CPT1A: variants seen among roughly 807,000 people sequenced by gnomAD.
CPT1A encodes carnitine O-palmitoyltransferase 1, liver isoform.
In CPT1A, 64 loss-of-function variants were observed where a neutral mutation model predicts 100.8. The observed-to-expected ratio is 0.63, with a 90% CI of 0.52 to 0.78. The LOEUF is 0.78. CPT1A is among the 30% of genes least tolerant of loss of function. The probability of loss-of-function intolerance (pLI) is 0.00; values close to 1 mark genes in which losing one functional copy is unlikely to be tolerated. For synonymous variants in CPT1A, 363 were observed against 396.0 expected, an observed-to-expected ratio of 0.92 and a Z score of 0.99; for missense variants, 802 against 1,034.1, an observed-to-expected ratio of 0.78 and a Z score of 3.08.
chr11:68,835,298 C>T (rs1341623893), intron 1 of CPT1A, among the ~76,000 whole-genome samples: 3 of 152,176 alleles, frequency 2.0e-5, no homozygotes, highest in Non-Finnish European at 4.4e-5. Flanking sequence ...AGACCTGCAC[C>T]TGCCCAAAGG....
chr11:68,816,487 C>T (rs1318972676), intron 1 of CPT1A, among the ~76,000 whole-genome samples: 2 of 152,158 alleles, frequency 1.3e-5, no homozygotes, highest in African/African-American at 4.8e-5. Flanking sequence ...CCCTGGCCGG[C>T]TGCAGAAAAC....
chr11:68,827,136 C>A (rs548016794), intron 1 of CPT1A, among the ~76,000 whole-genome samples: 20 of 152,182 alleles, frequency 1.3e-4, no homozygotes, highest in African/African-American at 4.6e-4. Flanking sequence ...GAGTTTGAGA[C>A]CAGCCTGAGC....
At chr11:68,767,494 TGGGAGGATCGCC>T (rs1213230655) in intron 14 of CPT1A, among the ~76,000 whole-genome samples, 1 of 151,950 alleles carries the variant, frequency 6.6e-6, no homozygotes, top group African/African-American at 2.4e-5. Flanking sequence ...GAGACTGAGG[TGGGAGGATCGCC>T]AGCACCCAGG....
chr11:68,800,175 G>A lies in CPT1A; in HGVS notation c.556-820C>T, dbSNP rs576509002. 1.6e-4 allele frequency among the ~76,000 whole-genome samples: 25 copies of A among 152,262 alleles called. No individual in the cohort carries two copies. The South Asian group carries it at 2.9e-3, about 18-fold the overall frequency. On this transcript the variant is annotated intron_variant, in intron 5 of 18. Coordinates refer to ENST00000265641, the MANE Select transcript of CPT1A (RefSeq NM_001876.4). The stretch of plus-strand genomic sequence containing the variant: ...GGAACGAGGGGCTGGAATAGGTCAC[G>A]GAACCAGGCTAAGGCCAGTGCCCCA...
chr11:68,835,200 G>GTT (rs1856980018), intron 1 of CPT1A, among the ~76,000 whole-genome samples: 1 of 152,210 alleles, frequency 6.6e-6, no homozygotes, highest in Non-Finnish European at 1.5e-5. Context: ...CCCACCAGAA[G>GTT]TTTAACAGCT....
Position 68,780,698 on chromosome 11 carries a change from A to G in CPT1A, c.1400T>C (p.Met467Thr), listed in dbSNP as rs1230154207. The G allele has an allele frequency of 6.2e-7, 1 of 1,614,112 alleles. No homozygotes were observed. The highest frequency in any genetic ancestry group is 1.3e-5 in the African/African-American group (1 of 74,938). The stretch of plus-strand genomic sequence containing the variant: ...CCAGGAGTGTTCAGCGTTGAGGCCC[A>G]TCTTCCCGTTTTTGAAGACAACAAA... Reference protein sequence around the residue: ...FTFVVFKNGKMGLNAEHSWAD... With the variant: ...FTFVVFKNGKTGLNAEHSWAD... The change falls in exon 12 of 19, where the codon ATG becomes ACG. Residue 467 changes from methionine to threonine, a missense_variant. This residue lies in a region of CPT1A where 627 missense variants were observed against 799.3 expected (regional missense o/e 0.78). Transcript: ENST00000265641.
At chr11:68,830,134 T>TA (rs1856841429) in intron 1 of CPT1A, among the ~76,000 whole-genome samples, 1 of 152,134 alleles carries the variant, frequency 6.6e-6, no homozygotes, top group Non-Finnish European at 1.5e-5. Context: ...AAAAATTAGC[T>TA]GGATGTGGTG....
At chr11:68,811,864 T>G (rs1856220445) in intron 3 of CPT1A, among the ~76,000 whole-genome samples, 1 of 149,762 alleles carries the variant, frequency 6.7e-6, no homozygotes, top group African/African-American at 2.5e-5. Flanking sequence ...ATGTGCTGAA[T>G]GTTACCTAAG....
At chr11:68,809,270 AG>A (rs990881389) in intron 3 of CPT1A, among the ~76,000 whole-genome samples, 9 of 152,158 alleles carry the variant, frequency 5.9e-5, no homozygotes, top group Non-Finnish European at 8.8e-5. Flanking sequence ...TCTACATTTT[AG>A]ATTACTGAAA....
intron 3 of CPT1A, among the ~76,000 whole-genome samples, chr11:68,808,645 A>G (rs1328735348): frequency 6.6e-6 from 1 of 151,786 alleles, no homozygotes; most frequent in Non-Finnish European, 1.5e-5. Context: ...CTGGGATTAT[A>G]GGTGTGTGCC....
chr11:68,805,963 TC>T (rs1207074065), intron 4 of CPT1A, among the ~76,000 whole-genome samples: 1 of 151,090 alleles, frequency 6.6e-6, no homozygotes, highest in African/African-American at 2.4e-5. Context: ...GCCTCGAAAG[TC>T]CAGAGACGAT....
At chr11:68,797,009 C>T (rs747672632) in intron 6 of CPT1A, 76 bp from the exon 7 acceptor site, 50 of 1,438,100 alleles carry the variant, frequency 3.5e-5, no homozygotes, top group Middle Eastern at 3.4e-4. Context: ...AGCCCAGAGC[C>T]GCGGGGAAGG....
chr11:68,794,744 C>A, intron 8 of CPT1A, 60 bp downstream of exon 8: 1 of 1,353,390 alleles, frequency 7.4e-7, no homozygotes, highest in South Asian at 1.2e-5. Flanking sequence ...TGCAATATGT[C>A]AATTATACCT....
intron 3 of CPT1A, among the ~76,000 whole-genome samples, chr11:68,808,956 A>T (rs1038256876): frequency 6.6e-6 from 1 of 150,872 alleles, no homozygotes; most frequent in Non-Finnish European, 1.5e-5. Flanking sequence ...AATAAAATTT[A>T]AAAAAGAAAA....
chr11:68,785,740 C>T (rs1333912923), intron 9 of CPT1A: 4 of 419,532 alleles, frequency 9.5e-6, no homozygotes, highest in Non-Finnish European at 1.7e-5. Flanking sequence ...AATAGGCATT[C>T]GATCCGTATA....
chr11:68,804,510 C>G (rs577128650), intron 4 of CPT1A, among the ~76,000 whole-genome samples: 4 of 152,146 alleles, frequency 2.6e-5, no homozygotes, highest in Admixed American at 2.6e-4. Flanking sequence ...ATTGATTGAG[C>G]CTGGGAGGGT....
At chr11:68,810,112 A>G (rs1856160359) in intron 3 of CPT1A, among the ~76,000 whole-genome samples, 1 of 152,212 alleles carries the variant, frequency 6.6e-6, no homozygotes, top group Non-Finnish European at 1.5e-5. Flanking sequence ...TGGGAAGCGG[A>G]GCTTGCAGTG....
chr11:68,783,149 C>T (rs958704252), intron 10 of CPT1A, among the ~76,000 whole-genome samples: 6 of 152,158 alleles, frequency 3.9e-5, no homozygotes, highest in African/African-American at 1.4e-4. Flanking sequence ...CCATCCCGCT[C>T]CTGCTCCCAG....
intron 3 of CPT1A, among the ~76,000 whole-genome samples, chr11:68,810,592 G>A (rs912930135): frequency 1.3e-5 from 2 of 152,190 alleles, no homozygotes; most frequent in African/African-American, 4.8e-5. Flanking sequence ...GGGGTCCTCT[G>A]CAGACCCTTC....
Sources: gnomAD v4.1 joint callset for allele counts (sites outside exome capture counted in the v4.1 genomes callset) on GRCh38, gnomAD v4.1.1 for gene constraint, gnomAD v4.1.1 regional missense constraint, MANE v1.5 for transcripts, NCBI Gene and HGNC (gene_info 2026-07-23, HGNC 2026-07-21) for gene names.